Variants in LAMA2 observed in about 807,000 individuals in gnomAD.
LAMA2 encodes the protein laminin subunit alpha-2.
LAMA2 carries 269 observed loss-of-function variants against 364.8 expected under a neutral mutation model. That is an observed-to-expected ratio of 0.74 (90% CI 0.67 to 0.82). LAMA2 has a LOEUF of 0.82. LAMA2 is among the 40% of genes least tolerant of loss of function. LAMA2 has a pLI of 0.00. For synonymous variants in LAMA2, 1,379 were observed against 1,370.6 expected, an observed-to-expected ratio of 1.01 and a Z score of -0.14; for missense variants, 3,807 against 3,873.2, an observed-to-expected ratio of 0.98 and a Z score of 0.45.
chr6:129,496,982 C>CTATT (rs1011815054), intron 58 of LAMA2, among the ~76,000 whole-genome samples: 98 of 152,264 alleles, frequency 6.4e-4, no homozygotes, highest in African/African-American at 2.2e-3. Flanking sequence ...TTCCATCTCT[C>CTATT]TATTTATTCT....
chr6:129,228,213 C>T (rs1028845639), intron 12 of LAMA2, among the ~76,000 whole-genome samples: 3 of 152,128 alleles, frequency 2.0e-5, no homozygotes, highest in Non-Finnish European at 4.4e-5. Flanking sequence ...ACCCGATTTT[C>T]CAGGTGCCGT....
chr6:128,995,930 C>A (rs1409617698), intron 1 of LAMA2, among the ~76,000 whole-genome samples: 1 of 152,132 alleles, frequency 6.6e-6, no homozygotes. Flanking sequence ...TAGTCAAGCC[C>A]TGCTCTCTTT....
intron 64 of LAMA2, among the ~76,000 whole-genome samples, chr6:129,515,727 C>T (rs1787002934): frequency 6.6e-6 from 1 of 152,140 alleles, no homozygotes; most frequent in Admixed American, 6.5e-5. Context: ...CATCCCAAAC[C>T]AAGTTATTTC....
rs1446174244 is a variant in LAMA2 at position 129,456,354 on chromosome 6, A to G, written c.6727A>G (p.Ile2243Val). 2.5e-6 allele frequency: 4 copies of G among 1,613,512 alleles called. No individual in the cohort carries two copies. Among genetic ancestry groups the G allele is most frequent in the Admixed American group, 1.7e-5 (1 of 59,952 alleles). ...VASRTGRNGT[I>V]SVRALDGPKA... ...TTGAAGAACTGGGAGAAATGGAACTATTTCTGTGAGAGCCCTGGATGGACC... is the reference window on the plus strand; with the variant it reads ...TTGAAGAACTGGGAGAAATGGAACTGTTTCTGTGAGAGCCCTGGATGGACC... Residue 2243 changes from isoleucine (I) to valine (V), a missense_variant, in exon 48 of 65, where the codon ATT becomes GTT. Coordinates refer to ENST00000421865, the MANE Select transcript of LAMA2 (RefSeq NM_000426.4).
In LAMA2 at chr6:129,300,939, T is replaced by C. The variant is rs73776921; in HGVS notation, c.3174+67T>C. The C allele has an allele frequency of 2.5e-3, 3,547 of 1,408,580 alleles. 70 individuals are homozygous for C. The African/African-American group carries it at 0.044, about 18-fold the overall frequency. The allele number at this position is 1,408,580 out of a possible 1,614,324, so 87.3% of individuals were successfully genotyped here. A position where few individuals can be genotyped will look rare whatever the true frequency, so the allele number is the denominator to read the frequency against. ...ATTTTTGTTTTGTAGAGCTCTGTAA[T>C]TGGGCATTTCAAAATTCAATATTAC... On this transcript the variant is annotated intron_variant, in intron 22 of 64. Coordinates refer to ENST00000421865, the MANE Select transcript of LAMA2 (RefSeq NM_000426.4).
chr6:129,170,956 G>C (rs964692910), intron 9 of LAMA2, among the ~76,000 whole-genome samples: 6 of 151,146 alleles, frequency 4.0e-5, no homozygotes, highest in Non-Finnish European at 8.8e-5. Flanking sequence ...TTTGATGTTT[G>C]TTGGTTTAAA....
In LAMA2 at chr6:129,452,988, A is replaced by C. The variant is rs752034225; in HGVS notation, c.6430A>C (p.Ile2144Leu). The change falls in exon 46 of 65, where the codon ATC becomes CTC. Residue 2144 changes from isoleucine to leucine, a missense_variant and splice_region_variant. By Grantham distance (5) the Ile-to-Leu change is conservative. This residue lies in a region of LAMA2 where 3,333 missense variants were observed against 3,345.7 expected (regional missense o/e 1.00). Coordinates refer to ENST00000421865, the MANE Select transcript of LAMA2 (RefSeq NM_000426.4). ...TCTTTGTATCTTGTTTTTTTTAAAG[A>C]TCAAAGTATCTGTGTCTTCAGGAGG... ...INQARKQANS[I>L]KVSVSSGGDC... 55 of 1,611,966 alleles carry C rather than the reference A, an allele frequency of 3.4e-5. No individual in the cohort carries two copies. The South Asian group carries it at 5.5e-4, about 16-fold the overall frequency.
At chr6:129,050,756 G>A (rs1787944413) in intron 2 of LAMA2, among the ~76,000 whole-genome samples, 1 of 152,188 alleles carries the variant, frequency 6.6e-6, no homozygotes, top group African/African-American at 2.4e-5. Context: ...GTGCCAAAGG[G>A]CAGAGAGTAG....
chr6:129,040,063 T>C, intron 1 of LAMA2, among the ~76,000 whole-genome samples: 1 of 152,122 alleles, frequency 6.6e-6, no homozygotes, highest in East Asian at 1.9e-4. Context: ...AGACAAAAAG[T>C]AATTAAACTG....
intron 4 of LAMA2, among the ~76,000 whole-genome samples, chr6:129,124,021 A>G (rs1220684245): frequency 6.6e-6 from 1 of 152,232 alleles, no homozygotes; most frequent in African/African-American, 2.4e-5. Flanking sequence ...GGTTGTATAC[A>G]TCAAATACGT....
chr6:129,124,864 A>G (rs561954703), intron 4 of LAMA2, among the ~76,000 whole-genome samples: 1 of 151,924 alleles, frequency 6.6e-6, no homozygotes, highest in Non-Finnish European at 1.5e-5. Flanking sequence ...TCCTGTACCC[A>G]CTCCCTGAAA....
At chr6:129,388,051 C>A (rs1316588459) in intron 35 of LAMA2, among the ~76,000 whole-genome samples, 3 of 151,940 alleles carry the variant, frequency 2.0e-5, no homozygotes, top group African/African-American at 7.2e-5. Context: ...TGAGGTCAGG[C>A]GTTCAAGACC....
At chr6:128,915,772 A>T (rs915977539) in intron 1 of LAMA2, among the ~76,000 whole-genome samples, 1 of 152,146 alleles carries the variant, frequency 6.6e-6, no homozygotes, top group Non-Finnish European at 1.5e-5. Flanking sequence ...GTTATTTTAT[A>T]GTCTAAAAAA....
intron 1 of LAMA2, among the ~76,000 whole-genome samples, chr6:128,956,811 ATTT>A (rs72081899): frequency 6.8e-6 from 1 of 148,130 alleles, no homozygotes; most frequent in Non-Finnish European, 1.5e-5. Flanking sequence ...CGAAGAAGGT[ATTT>A]TTTTTTTTAA....
intron 1 of LAMA2, among the ~76,000 whole-genome samples, chr6:128,996,116 A>G (rs1284179875): frequency 2.0e-5 from 3 of 152,218 alleles, no homozygotes; most frequent in Admixed American, 1.3e-4. Flanking sequence ...GAAGGAATTA[A>G]ACAAGGTGAC....
At chr6:129,022,279 T>C (rs1294521548) in intron 1 of LAMA2, among the ~76,000 whole-genome samples, 2 of 152,230 alleles carry the variant, frequency 1.3e-5, no homozygotes, top group Non-Finnish European at 2.9e-5. Flanking sequence ...TCGAGGTTTT[T>C]AAGGCTGAGA....
chr6:129,394,035 T>C (rs1779471053), intron 37 of LAMA2, among the ~76,000 whole-genome samples: 1 of 152,228 alleles, frequency 6.6e-6, no homozygotes, highest in Non-Finnish European at 1.5e-5. Context: ...AACAGATTCC[T>C]CCATTATTTT....
chr6:129,252,321 C>A (rs751758230), intron 14 of LAMA2, 26 bp downstream of exon 14: 1 of 1,557,146 alleles, frequency 6.4e-7, no homozygotes, highest in Non-Finnish European at 8.8e-7. Context: ...GCAGCTCCAA[C>A]GTTCACACAT....
intron 41 of LAMA2, among the ~76,000 whole-genome samples, 196 bp from the exon 42 acceptor site, chr6:129,438,450 A>G (rs543022129): frequency 6.6e-6 from 1 of 152,082 alleles, no homozygotes; most frequent in Non-Finnish European, 1.5e-5. Flanking sequence ...AGAAGCATCC[A>G]ATAATTCAAT....
Sources: allele counts gnomAD v4.1 joint callset (sites outside exome capture counted in the v4.1 genomes callset), GRCh38; gene constraint gnomAD v4.1.1; regional missense constraint gnomAD v4.1.1; transcripts MANE v1.5; gene names NCBI Gene and HGNC (gene_info 2026-07-23, HGNC 2026-07-21).